Variants in RYR3 observed in about 807,000 individuals in gnomAD.
RYR3 encodes the protein ryanodine receptor 3.
Under a neutral mutation model 584.3 loss-of-function variants are expected in RYR3, and 207 were observed. The ratio of observed to expected loss-of-function variants is 0.35; its 90% confidence interval spans 0.32 to 0.40. The LOEUF (loss-of-function observed/expected upper bound fraction) is 0.40. Ranked by LOEUF, RYR3 falls within the 10% of genes least tolerant of loss-of-function variation. The pLI, the probability that RYR3 is intolerant of heterozygous loss-of-function variation, is 1.00. For synonymous variants in RYR3, 2,416 were observed against 2,248.5 expected (o/e 1.07, Z -2.11); for missense variants, 5,616 against 6,089.2 (o/e 0.92, Z 2.59).
chr15:33,695,847 G>T (rs2065811627), intron 38 of RYR3, among the ~76,000 whole-genome samples: 1 of 150,388 alleles, frequency 6.6e-6, no homozygotes, highest in Non-Finnish European at 1.5e-5. Flanking sequence ...GTGCAGTGAT[G>T]CAGTGGTGGC....
chr15:33,807,347 C>T (rs1195893370), intron 69 of RYR3, among the ~76,000 whole-genome samples: 1 of 152,092 alleles, frequency 6.6e-6, no homozygotes, highest in Admixed American at 6.5e-5. Flanking sequence ...GGGTATAAGT[C>T]CTTTGACCAA....
chr15:33,507,405 G>C (rs1437902832), intron 3 of RYR3, among the ~76,000 whole-genome samples: 1 of 152,166 alleles, frequency 6.6e-6, no homozygotes, highest in African/African-American at 2.4e-5. Flanking sequence ...CTCAGGGTCT[G>C]CCCTATCTCA....
intron 1 of RYR3, among the ~76,000 whole-genome samples, chr15:33,467,922 G>T (rs1375472801): frequency 6.6e-6 from 1 of 152,160 alleles, no homozygotes; most frequent in African/African-American, 2.4e-5. Flanking sequence ...TTTCAATGTG[G>T]TTTGATCATG....
At chr15:33,685,888 A>C (rs1596149572) in intron 38 of RYR3, among the ~76,000 whole-genome samples, 1 of 152,370 alleles carries the variant, frequency 6.6e-6, no homozygotes, top group African/African-American at 2.4e-5. Flanking sequence ...TGTTCTTTGA[A>C]ACCAATGAGA....
chr15:33,346,986 T>G (rs1257880775), intron 1 of RYR3, among the ~76,000 whole-genome samples: 1 of 152,120 alleles, frequency 6.6e-6, no homozygotes, highest in Non-Finnish European at 1.5e-5. Context: ...CAGACATGCA[T>G]CTGGTGTTTT....
At position 33,820,808 on chromosome 15, in the gene RYR3, T is replaced by G; in HGVS notation, c.10811T>G (p.Phe3604Cys). ...EEEDEDKEKT[F>C]EEKEMEKQKT... is the part of the protein sequence containing the mutation. ...GAAGATGAAGACAAGGAAAAAACAT[T>G]CGAAGTAAGTTCTCATGAAGAATAA... Residue 3604 changes from phenylalanine to cysteine, a missense_variant, in exon 78 of 104, where the codon TTC becomes TGC. Around this residue, in one of 9 missense-constraint regions of RYR3, gnomAD observed 954 missense variants for 1,132.2 expected, o/e 0.84. Coordinates refer to ENST00000634891, the MANE Select transcript of RYR3 (RefSeq NM_001036.6). 6.3e-7 allele frequency: 1 copy of G among 1,582,036 alleles called. No homozygotes were observed.
At position 33,838,442 on chromosome 15, in the gene RYR3, C is replaced by T. The variant is rs756142838; in HGVS notation, c.12462C>T (p.Thr4154=). ...MACASVKRNV[T]DFLKRATLKN... is the part of the protein sequence containing the mutation. ...GTGCCTCTGTGAAGAGGAATGTCAC[C>T]GACTTCCTGAAGAGAGCAACCCTGA... The change falls in exon 89 of 104, where the codon ACC becomes ACT. Residue 4154 remains threonine (T), a synonymous_variant. Transcript: ENST00000634891. 6.8e-6 allele frequency: 11 copies of T among 1,613,840 alleles called. No individual in the cohort carries two copies. The highest frequency in any genetic ancestry group is 2.2e-5 in the South Asian group (2 of 91,080).
At chr15:33,861,243 T>C (rs1008620613) in intron 102 of RYR3, 65 bp downstream of exon 102, 6 of 1,174,412 alleles carry the variant, frequency 5.1e-6, no homozygotes, top group East Asian at 2.6e-5. Flanking sequence ...TTAGGTCATA[T>C]AGTTCAGTCT....
intron 89 of RYR3, 89 bp from the exon 90 acceptor site, chr15:33,840,736 T>C (rs1482913398): frequency 1.2e-5 from 14 of 1,190,256 alleles, no homozygotes; most frequent in South Asian, 6.5e-5. Context: ...TTGAAATTTG[T>C]GACCAAGAAG....
rs1034336149 is a variant in RYR3 at position 33,857,922 on chromosome 15, C to T, written c.14142+8C>T. The T allele has an allele frequency of 2.2e-6, 3 of 1,380,228 alleles. No homozygotes were observed. The highest frequency in any genetic ancestry group is 1.9e-4 in the Middle Eastern group (1 of 5,178). The allele number at this position is 1,380,228 out of a possible 1,614,324, so 85.5% of individuals were successfully genotyped here. A position where few individuals can be genotyped will look rare whatever the true frequency, so the allele number is the denominator to read the frequency against. ...TGCGACGACATGATGACGGTGAGAG[C>T]CCACCCACTGCGGGGCCAGCCCACC... On this transcript the variant is annotated splice_region_variant and intron_variant, in intron 99 of 103. Coordinates refer to ENST00000634891, the MANE Select transcript of RYR3 (RefSeq NM_001036.6).
chr15:33,457,577 TAAG>T (rs2047662583), intron 1 of RYR3, among the ~76,000 whole-genome samples: 1 of 152,092 alleles, frequency 6.6e-6, no homozygotes. Flanking sequence ...CAAAGACTGG[TAAG>T]AAGAAGGGGA....
rs376743549 is a variant in RYR3 at position 33,838,908 on chromosome 15, G to T, written c.12928G>T (p.Asp4310Tyr). 25 of 1,613,782 alleles carry T rather than the reference G, an allele frequency of 1.5e-5. No homozygotes were observed. Among genetic ancestry groups the T allele is most frequent in the Non-Finnish European group, 1.9e-5 (23 of 1,179,842 alleles). Residue 4310 changes from aspartate to tyrosine, a missense_variant, in exon 89 of 104, where the codon GAT becomes TAT. By Grantham distance (160) the Asp-to-Tyr change is radical. Transcript: ENST00000634891. ...TGACCTCTCAGAAATTATTGGCAAG[G>T]ATGAACCCCCTACATTAGAGAGTAC... The part of the protein sequence containing the change: ...LGDLSEIIGK[D>Y]EPPTLESTVQ...
intron 5 of RYR3, among the ~76,000 whole-genome samples, chr15:33,537,286 T>C (rs1474007875): frequency 6.6e-6 from 1 of 152,228 alleles, no homozygotes; most frequent in Non-Finnish European, 1.5e-5. Context: ...ACATCAGCCA[T>C]CATCTAGGGA....
rs1567046882 is a variant in RYR3 at position 33,336,472 on chromosome 15, G to GAA, written c.51+25377_51+25378insAA. On this transcript the variant is annotated intron_variant, in intron 1 of 103. Coordinates refer to ENST00000634891, the MANE Select transcript of RYR3 (RefSeq NM_001036.6). ...AGAGAGAGAGAGAGAGAGAGAGAGA[G>GAA]AGAGAGAGAGAGAGAAAGAAAGAAA... Among the ~76,000 whole-genome samples the GAA allele has an allele frequency of 2.0e-4, 4 of 20,036 alleles. 2 individuals are homozygous for GAA. The African/African-American group carries it at 2.7e-3, about 14-fold the overall frequency. 13.1% of individuals were successfully genotyped at this position (20,036 alleles called of 152,430 possible).
At chr15:33,646,567 T>C in intron 29 of RYR3, 41 bp downstream of exon 29, 1 of 1,556,186 alleles carries the variant, frequency 6.4e-7, no homozygotes, top group Non-Finnish European at 8.7e-7. Context: ...ACTCATTGTA[T>C]CTCCTGTAAA....
In RYR3 at chr15:33,694,140, T is replaced by C. The variant is rs563721069; in HGVS notation, c.5861-2078T>C. On this transcript the variant is annotated intron_variant, in intron 38 of 103. Coordinates refer to ENST00000634891, the MANE Select transcript of RYR3 (RefSeq NM_001036.6). ...CAAATCCTACCATGAAGCCAGGCAC[T>C]ATCATCCTAATATCATGGAAAAAAA... Among the ~76,000 whole-genome samples, 12 of 150,244 alleles carry C rather than the reference T, an allele frequency of 8.0e-5. No individual in the cohort carries two copies. In the South Asian group the frequency reaches 1.5e-3, roughly 19 times the overall value.
intron 67 of RYR3, among the ~76,000 whole-genome samples, chr15:33,793,316 T>G (rs2075273234): frequency 6.6e-6 from 1 of 152,134 alleles, no homozygotes; most frequent in Non-Finnish European, 1.5e-5. Context: ...TTGTGTAAGT[T>G]TCATTGATAA....
chr15:33,528,265 C>T lies in RYR3; in HGVS notation c.280-2327C>T, dbSNP rs2054563333. On this transcript the variant is annotated intron_variant, in intron 3 of 103. Transcript: ENST00000634891. The stretch of plus-strand genomic sequence containing the variant: ...TGAGCCCTCCATAATCTGGCCACCC[C>T]TCACCTACATCCTGTGTCATGTCCT... Among the ~76,000 whole-genome samples the T allele has an allele frequency of 2.0e-5, 3 of 152,152 alleles. No homozygotes were observed. In the South Asian group the frequency reaches 6.2e-4, roughly 32 times the overall value.
At position 33,769,112 on chromosome 15, in the gene RYR3, G is replaced by T; in HGVS notation, c.8756G>T (p.Gly2919Val). 6.2e-7 allele frequency: 1 copy of T among 1,611,222 alleles called. No individual in the cohort carries two copies. Among genetic ancestry groups the T allele is most frequent in the South Asian group, 1.1e-5 (1 of 91,032 alleles). ...TCACAGATGATTTTTTTTATTCCAG[G>T]TAGTGATTCTACTACAATGGTGAGC... ...ALVRHRISLFGSDSTTMVSCL... is the reference protein window; with the variant it reads ...ALVRHRISLFVSDSTTMVSCL... The change falls in exon 62 of 104, where the codon GGT (glycine) becomes GTT (valine). Residue 2919 changes from glycine (G) to valine (V), a missense_variant and splice_region_variant. Around this residue, in one of 9 missense-constraint regions of RYR3, gnomAD observed 1,280 missense variants for 1,426.2 expected, o/e 0.90. Coordinates refer to ENST00000634891, the MANE Select transcript of RYR3 (RefSeq NM_001036.6).
Sources: gnomAD v4.1 joint callset for allele counts (sites outside exome capture counted in the v4.1 genomes callset) on GRCh38, gnomAD v4.1.1 for gene constraint, gnomAD v4.1.1 regional missense constraint, MANE v1.5 for transcripts, NCBI Gene and HGNC (gene_info 2026-07-23, HGNC 2026-07-21) for gene names.